The following CDH13 variants were observed in gnomAD, a reference collection of about 807,000 sequenced individuals.
CDH13 encodes cadherin-13.
CDH13 carries 24 observed loss-of-function variants against 63.8 expected under a neutral mutation model. That is an observed-to-expected ratio of 0.38 (90% CI 0.27 to 0.53). CDH13 has a LOEUF of 0.53. Ranked by LOEUF, CDH13 falls within the 20% of genes least tolerant of loss-of-function variation. The pLI is 0.85. For synonymous variants in CDH13, 503 were observed against 355.3 expected (o/e 1.42, Z -4.67); for missense variants, 1,049 against 903.1 (o/e 1.16, Z -2.07).
At chr16:82,941,036 C>T (rs1024500561) in intron 2 of CDH13, among the ~76,000 whole-genome samples, 9 of 151,998 alleles carry the variant, frequency 5.9e-5, no homozygotes, top group African/African-American at 9.7e-5. Context: ...AAGCATATGA[C>T]GGGGAACTTC....
At chr16:83,508,176 G>T (rs2074467620) in intron 7 of CDH13, among the ~76,000 whole-genome samples, 1 of 147,736 alleles carries the variant, frequency 6.8e-6, no homozygotes, top group Admixed American at 6.8e-5. Flanking sequence ...GGAGGAGAGG[G>T]GAGGAAAGGG....
chr16:83,135,907 G>C (rs1364687421), intron 4 of CDH13, among the ~76,000 whole-genome samples: 1 of 152,152 alleles, frequency 6.6e-6, no homozygotes, highest in African/African-American at 2.4e-5. Flanking sequence ...TATTCTAAGT[G>C]AAGTAACTCA....
chr16:82,981,679 A>T (rs1424006765), intron 2 of CDH13, among the ~76,000 whole-genome samples: 1 of 152,182 alleles, frequency 6.6e-6, no homozygotes, highest in East Asian at 1.9e-4. Flanking sequence ...AATTTTAAAA[A>T]ATCCATTTTC....
chr16:83,105,120 G>A (rs1763765835), intron 3 of CDH13, among the ~76,000 whole-genome samples: 1 of 152,116 alleles, frequency 6.6e-6, no homozygotes, highest in Non-Finnish European at 1.5e-5. Context: ...ACCTAGATAT[G>A]AAGCCCAGCA....
intron 2 of CDH13, among the ~76,000 whole-genome samples, chr16:82,882,012 A>G (rs1266810491): frequency 6.6e-6 from 1 of 152,160 alleles, no homozygotes; most frequent in Non-Finnish European, 1.5e-5. Context: ...ATGTATGATT[A>G]TTTATGTGTA....
intron 2 of CDH13, among the ~76,000 whole-genome samples, chr16:82,875,024 A>G (rs1301399376): frequency 6.6e-6 from 1 of 152,208 alleles, no homozygotes; most frequent in East Asian, 1.9e-4. Flanking sequence ...GGGAGAGAGA[A>G]GATACACCTC....
At chr16:83,431,996 C>G (rs2072128624) in intron 6 of CDH13, among the ~76,000 whole-genome samples, 1 of 152,090 alleles carries the variant, frequency 6.6e-6, no homozygotes, top group Non-Finnish European at 1.5e-5. Flanking sequence ...CTTCTGGCCA[C>G]TTTGTTGAGG....
intron 5 of CDH13, among the ~76,000 whole-genome samples, chr16:83,264,832 CATTT>C (rs925870107): frequency 2.6e-5 from 4 of 151,692 alleles, no homozygotes; most frequent in African/African-American, 9.7e-5. Flanking sequence ...CACTTATAAA[CATTT>C]ATTTCTCCTA....
chr16:83,588,960 C>T (rs902333799), intron 7 of CDH13, among the ~76,000 whole-genome samples: 1 of 152,136 alleles, frequency 6.6e-6, no homozygotes, highest in Non-Finnish European at 1.5e-5. Context: ...TACTCGTTTC[C>T]TGTGGCTTCC....
At chr16:83,079,072 G>C (rs978439807) in intron 3 of CDH13, among the ~76,000 whole-genome samples, 1 of 152,202 alleles carries the variant, frequency 6.6e-6, no homozygotes, top group Non-Finnish European at 1.5e-5. Flanking sequence ...TGGGATTACA[G>C]GTGTGAGCCA....
chr16:83,177,509 T>C (rs556363211), intron 4 of CDH13, among the ~76,000 whole-genome samples: 1 of 152,222 alleles, frequency 6.6e-6, no homozygotes, highest in Non-Finnish European at 1.5e-5. Flanking sequence ...ATCTTGTAAG[T>C]TGGAGATTGT....
intron 2 of CDH13, among the ~76,000 whole-genome samples, chr16:82,950,566 G>A (rs1253516645): frequency 1.3e-5 from 2 of 152,090 alleles, no homozygotes; most frequent in African/African-American, 2.4e-5. Flanking sequence ...ACTTGCTGCT[G>A]ATGTAAGATG....
chr16:82,905,544 A>G (rs1398226309), intron 2 of CDH13, among the ~76,000 whole-genome samples: 1 of 152,144 alleles, frequency 6.6e-6, no homozygotes, highest in African/African-American at 2.4e-5. Context: ...ATTCAAAATG[A>G]TGACTAACTA....
At chr16:82,799,757 G>C (rs896606017) in intron 1 of CDH13, among the ~76,000 whole-genome samples, 1 of 152,156 alleles carries the variant, frequency 6.6e-6, no homozygotes, top group Non-Finnish European at 1.5e-5. Context: ...TGGGAAAAGT[G>C]CCAACAATGT....
At chr16:82,951,212 CTG>C (rs1905256163) in intron 2 of CDH13, among the ~76,000 whole-genome samples, 1 of 152,136 alleles carries the variant, frequency 6.6e-6, no homozygotes, top group African/African-American at 2.4e-5. Flanking sequence ...CATTGTGAGA[CTG>C]TGAGCTGGCA....
intron 7 of CDH13, among the ~76,000 whole-genome samples, chr16:83,543,243 A>G (rs903001526): frequency 2.6e-5 from 4 of 152,240 alleles, no homozygotes; most frequent in African/African-American, 9.6e-5. Flanking sequence ...TTCGTATAGC[A>G]AATGCTCAAT....
chr16:83,629,166 A>G (rs1389533751), intron 8 of CDH13, among the ~76,000 whole-genome samples: 2 of 152,234 alleles, frequency 1.3e-5, no homozygotes, highest in East Asian at 3.8e-4. Context: ...CACCAAGTTC[A>G]AGGCAAAAAT....
chr16:83,230,257 G>T (rs191981878), intron 5 of CDH13, among the ~76,000 whole-genome samples: 13 of 152,238 alleles, frequency 8.5e-5, no homozygotes, highest in Admixed American at 2.6e-4. Flanking sequence ...GTGATGTGAG[G>T]CTCTGGTAAT....
intron 1 of CDH13, among the ~76,000 whole-genome samples, chr16:82,819,137 C>A (rs1000610507): frequency 2.6e-5 from 4 of 152,144 alleles, no homozygotes; most frequent in African/African-American, 9.7e-5. Flanking sequence ...GGATAAATTT[C>A]ATTGTTTAGA....
Sources: gnomAD v4.1 joint callset for allele counts (sites outside exome capture counted in the v4.1 genomes callset) on GRCh38, gnomAD v4.1.1 for gene constraint, MANE v1.5 for transcripts, NCBI Gene and HGNC (gene_info 2026-07-23, HGNC 2026-07-21) for gene names.